KSR2: variants seen among roughly 807,000 people sequenced by gnomAD.
The protein encoded by KSR2 is kinase suppressor of ras 2.
A neutral mutation model predicts 107.8 loss-of-function variants in KSR2; 25 were observed. The ratio of observed to expected loss-of-function variants is 0.23; its 90% CI spans 0.17 to 0.32. The LOEUF (loss-of-function observed/expected upper bound fraction) is 0.32. Ranked by LOEUF, KSR2 falls within the 10% of genes least tolerant of loss-of-function variation. The pLI, the probability that KSR2 is intolerant of heterozygous loss-of-function variation, is 1.00. For missense variants in KSR2, 887 were observed against 1,268.9 expected (o/e 0.70, Z 4.57); for synonymous variants, 480 against 507.0 (o/e 0.95, Z 0.71).
intron 1 of KSR2, among the ~76,000 whole-genome samples, chr12:117,874,492 T>G (rs1375062236): frequency 6.6e-6 from 1 of 152,134 alleles, no homozygotes; most frequent in Non-Finnish European, 1.5e-5. Context: ...CTTGGTCTCC[T>G]AAAGTGCTGG....
At chr12:117,540,562 C>T (rs79414047) in intron 9 of KSR2, among the ~76,000 whole-genome samples, 3,874 of 152,282 alleles carry the variant, frequency 0.025, 152 homozygotes, top group African/African-American at 0.081. Context: ...ATGAGATCAT[C>T]GTGGATTCGG....
At chr12:117,905,197 T>A (rs750511336) in intron 1 of KSR2, among the ~76,000 whole-genome samples, 103 of 151,958 alleles carry the variant, frequency 6.8e-4, no homozygotes, top group Non-Finnish European at 1.3e-3. Flanking sequence ...TAACATAACA[T>A]AACAAAACAA....
At chr12:117,946,216 G>A (rs972874669) in intron 1 of KSR2, among the ~76,000 whole-genome samples, 3 of 151,738 alleles carry the variant, frequency 2.0e-5, no homozygotes, top group African/African-American at 7.3e-5. Flanking sequence ...ATAGTAAGCA[G>A]AAGAAAGAAA....
intron 5 of KSR2, among the ~76,000 whole-genome samples, chr12:117,625,763 G>C (rs758036916): frequency 6.6e-6 from 1 of 152,296 alleles, no homozygotes; most frequent in Middle Eastern, 3.4e-3. Context: ...GATTGGAATA[G>C]TTTCAGAAGG....
intron 1 of KSR2, among the ~76,000 whole-genome samples, chr12:117,917,613 AGGGCATGG>A (rs1300831612): frequency 6.6e-6 from 1 of 152,182 alleles, no homozygotes; most frequent in African/African-American, 2.4e-5. Context: ...AAGAAACACC[AGGGCATGG>A]GGGGTAGGGG....
intron 4 of KSR2, among the ~76,000 whole-genome samples, chr12:117,751,101 T>TC (rs1394457435): frequency 2.0e-5 from 3 of 152,122 alleles, no homozygotes; most frequent in Admixed American, 6.6e-5. Flanking sequence ...GGGGGTGGTC[T>TC]CCCCCATCCT....
chr12:117,728,819 C>G (rs1376574598), intron 4 of KSR2, among the ~76,000 whole-genome samples: 1 of 152,184 alleles, frequency 6.6e-6, no homozygotes, highest in Non-Finnish European at 1.5e-5. Context: ...CCAAGCCATG[C>G]CAGGGGGTCA....
chr12:117,706,192 T>C (rs1477422746), intron 4 of KSR2, among the ~76,000 whole-genome samples: 1 of 151,728 alleles, frequency 6.6e-6, no homozygotes, highest in Non-Finnish European at 1.5e-5. Flanking sequence ...TACAGGTGCA[T>C]GCCACCACAC....
At chr12:117,746,623 A>T (rs491888) in intron 4 of KSR2, among the ~76,000 whole-genome samples, 1 of 152,044 alleles carries the variant, frequency 6.6e-6, no homozygotes, top group African/African-American at 2.4e-5. Context: ...AGCAAAAGAA[A>T]CTAGCATCAG....
intron 3 of KSR2, among the ~76,000 whole-genome samples, chr12:117,836,085 T>C (rs1037865989): frequency 3.2e-5 from 4 of 125,118 alleles, no homozygotes; most frequent in African/African-American, 1.1e-4. Flanking sequence ...GGGAAACTTT[T>C]CCCAACCTCC....
chr12:117,575,273 A>G (rs1447582519), intron 7 of KSR2, among the ~76,000 whole-genome samples: 2 of 152,216 alleles, frequency 1.3e-5, no homozygotes, highest in African/African-American at 4.8e-5. Flanking sequence ...CTCAATAAAT[A>G]TTAGTTGAAT....
chr12:117,544,488 A>G (rs1876719594), intron 9 of KSR2, among the ~76,000 whole-genome samples: 1 of 151,946 alleles, frequency 6.6e-6, no homozygotes, highest in Non-Finnish European at 1.5e-5. Flanking sequence ...GTGCGGTGGC[A>G]CACACCTGTA....
intron 16 of KSR2, among the ~76,000 whole-genome samples, chr12:117,477,168 C>A (rs1243897765): frequency 6.6e-6 from 1 of 152,168 alleles, no homozygotes; most frequent in Admixed American, 6.5e-5. Flanking sequence ...CTGCACTGCC[C>A]ACTCTGTCTC....
At chr12:117,694,784 C>G (rs1885978021) in intron 4 of KSR2, among the ~76,000 whole-genome samples, 1 of 151,624 alleles carries the variant, frequency 6.6e-6, no homozygotes, top group African/African-American at 2.4e-5. Context: ...CATGAATAAA[C>G]CTTGAAGACA....
At chr12:117,540,010 A>G in intron 9 of KSR2, 123 bp from the exon 10 acceptor site, 2 of 764,224 alleles carry the variant, frequency 2.6e-6, no homozygotes, top group Admixed American at 3.1e-5. Context: ...CCCTTTCCTC[A>G]GCCACCAGAT....
At position 117,558,529 on chromosome 12, in the gene KSR2, T is replaced by A. The variant is rs1289575539; in HGVS notation, c.1370A>T (p.His457Leu). 1 of 1,613,884 alleles carries A rather than the reference T, an allele frequency of 6.2e-7. No homozygotes were observed. The highest frequency in any genetic ancestry group is 1.7e-5 in the Admixed American group (1 of 60,014). Residue 457 changes from histidine to leucine, a missense_variant, in exon 8 of 20, where the codon CAT (histidine) becomes CTT (leucine). By Grantham distance (99) the His-to-Leu change is moderately conservative (BLOSUM62 -3). This residue lies in a region of KSR2 where 60 missense variants were observed against 77.5 expected (regional missense o/e 0.77). Coordinates refer to ENST00000339824, the MANE Select transcript of KSR2 (RefSeq NM_173598.6). Reference sequence around the variant, plus strand: ...ACCTCCTCGGTGGATGATCAGAAGATGACAGGGTGGGGCTTCTTTGGTGCA... The same window carrying A: ...ACCTCCTCGGTGGATGATCAGAAGAAGACAGGGTGGGGCTTCTTTGGTGCA... ...NKCTKEAPPC[H>L]LLIIHRGDPA... is the part of the protein sequence containing the mutation.
intron 1 of KSR2, among the ~76,000 whole-genome samples, chr12:117,869,699 G>A (rs114403788): frequency 0.03 from 4,537 of 152,198 alleles, 228 homozygotes; most frequent in African/African-American, 0.1. Context: ...GATCTGCCTC[G>A]TTCTTTTTAA....
chr12:117,945,917 A>G (rs1251951384), intron 1 of KSR2, among the ~76,000 whole-genome samples: 1 of 152,222 alleles, frequency 6.6e-6, no homozygotes, highest in Admixed American at 6.5e-5. Context: ...AATCAGTAAG[A>G]AAAATAGAAT....
intron 5 of KSR2, among the ~76,000 whole-genome samples, chr12:117,594,679 C>T (rs1038508795): frequency 6.6e-6 from 1 of 152,120 alleles, no homozygotes; most frequent in African/African-American, 2.4e-5. Flanking sequence ...CCCATACCCC[C>T]AAGAACTTGG....
Sources: allele counts gnomAD v4.1 joint callset (sites outside exome capture counted in the v4.1 genomes callset), GRCh38; gene constraint gnomAD v4.1.1; regional missense constraint gnomAD v4.1.1; transcripts MANE v1.5; gene names NCBI Gene and HGNC (gene_info 2026-07-23, HGNC 2026-07-21).